Variants in COL19A1 observed in about 807,000 individuals in gnomAD.
COL19A1 encodes collagen alpha-1(XIX) chain.
Under a neutral mutation model 190.2 loss-of-function variants are expected in COL19A1, and 159 were observed. The ratio of observed to expected loss-of-function variants is 0.84; its 90% CI spans 0.73 to 0.95. The LOEUF is 0.95. Among genes scored for constraint, COL19A1 ranks in the 40% least tolerant of loss-of-function variants. The pLI, the probability that COL19A1 is intolerant of heterozygous loss-of-function variation, is 0.00. For synonymous variants in COL19A1, 509 were observed against 458.9 expected (o/e 1.11, Z -1.39); for missense variants, 1,418 against 1,431.9 (o/e 0.99, Z 0.16).
chr6:70,036,765 C>T (rs1474042768), intron 14 of COL19A1, among the ~76,000 whole-genome samples: 1 of 151,822 alleles, frequency 6.6e-6, no homozygotes, highest in South Asian at 2.1e-4. Context: ...CAGTAGTATT[C>T]GAAGACCTAT....
intron 11 of COL19A1, among the ~76,000 whole-genome samples, chr6:70,020,063 G>A (rs983682678): frequency 1.3e-5 from 2 of 151,942 alleles, no homozygotes; most frequent in African/African-American, 2.4e-5. Flanking sequence ...AGTTCTTCTA[G>A]TCCCAGTATA....
chr6:70,088,518 G>A (rs970319418), intron 15 of COL19A1, among the ~76,000 whole-genome samples: 2 of 151,964 alleles, frequency 1.3e-5, no homozygotes, highest in African/African-American at 4.8e-5. Context: ...CATGACTATG[G>A]GTAACAAGTA....
At chr6:70,016,385 C>CACATGAAAAAAAAAAAAAAAAAAAAAAA (rs1778098330) in intron 11 of COL19A1, among the ~76,000 whole-genome samples, 1 of 85,980 alleles carries the variant, frequency 1.2e-5, no homozygotes, top group African/African-American at 6.3e-5. Context: ...AAAAAAAAAA[C>CACATGAAAAAAAAAAAAAAAAAAAAAAA]ACATGAAAAA....
chr6:70,191,851 T>A (rs1443997084), intron 48 of COL19A1, among the ~76,000 whole-genome samples: 2 of 152,164 alleles, frequency 1.3e-5, no homozygotes, highest in African/African-American at 4.8e-5. Context: ...CAAGTCGATC[T>A]TGACTCCATT....
chr6:70,182,099 G>A (rs895997102), intron 44 of COL19A1, among the ~76,000 whole-genome samples: 7 of 152,326 alleles, frequency 4.6e-5, no homozygotes, highest in African/African-American at 1.2e-4. Context: ...GTGGAGAGTA[G>A]GCTGTAGGGA....
intron 2 of COL19A1, among the ~76,000 whole-genome samples, chr6:69,892,350 C>T (rs1210168701): frequency 1.3e-5 from 2 of 152,152 alleles, no homozygotes; most frequent in Non-Finnish European, 2.9e-5. Flanking sequence ...TAAGCGAAAA[C>T]TTAAAAACAA....
chr6:69,934,670 T>A (rs1339856545), intron 7 of COL19A1, among the ~76,000 whole-genome samples: 1 of 151,958 alleles, frequency 6.6e-6, no homozygotes, highest in Non-Finnish European at 1.5e-5. Flanking sequence ...GAGTTAGTTT[T>A]AAAGAATAGA....
rs1766210138 is a variant in COL19A1, at chr6:70,182,056, G to GATTGA, written c.2775+1535_2775+1539dup. On this transcript the variant is annotated intron_variant, in intron 44 of 50. Coordinates refer to ENST00000620364, the MANE Select transcript of COL19A1 (RefSeq NM_001858.6). ...AGCTTTTGTAGCAAATAATGAAAAT[G>GATTGA]ATTGAACATTTTGAGGATCACTCTG... is the stretch of plus-strand genomic sequence containing the variant. Among the ~76,000 whole-genome samples, 5 of 152,348 alleles carry GATTGA rather than the reference G, an allele frequency of 3.3e-5. No homozygotes were observed. In the South Asian group the frequency reaches 1.0e-3, roughly 32 times the overall value.
intron 14 of COL19A1, among the ~76,000 whole-genome samples, chr6:70,062,702 C>G (rs1368277974): frequency 6.6e-6 from 1 of 152,122 alleles, no homozygotes; most frequent in Non-Finnish European, 1.5e-5. Context: ...GATAAAGAGT[C>G]AAGACCCATC....
At chr6:70,087,114 C>T (rs1321289818) in intron 15 of COL19A1, among the ~76,000 whole-genome samples, 2 of 152,028 alleles carry the variant, frequency 1.3e-5, no homozygotes, top group Non-Finnish European at 2.9e-5. Flanking sequence ...TCTCACAAAG[C>T]CTAAAATATT....
intron 15 of COL19A1, among the ~76,000 whole-genome samples, chr6:70,070,666 T>C (rs1397951804): frequency 6.6e-6 from 1 of 152,152 alleles, no homozygotes; most frequent in Non-Finnish European, 1.5e-5. Flanking sequence ...CGTTCTTACA[T>C]ATTTACATTT....
intron 14 of COL19A1, among the ~76,000 whole-genome samples, chr6:70,055,830 T>C (rs1185534482): frequency 6.6e-6 from 1 of 151,592 alleles, no homozygotes; most frequent in Non-Finnish European, 1.5e-5. Context: ...ACTGTAAATA[T>C]TGTCATGTGC....
chr6:69,952,313 T>C (rs1774171636), intron 9 of COL19A1, among the ~76,000 whole-genome samples: 1 of 151,860 alleles, frequency 6.6e-6, no homozygotes, highest in African/African-American at 2.4e-5. Context: ...CTGGAGATTC[T>C]TAATCTACCC....
intron 26 of COL19A1, 37 bp downstream of exon 26, chr6:70,146,740 T>A: frequency 1.3e-6 from 2 of 1,595,628 alleles, no homozygotes; most frequent in Non-Finnish European, 1.7e-6. Context: ...AAGGAATGAA[T>A]AATTAACAAA....
At chr6:69,872,574 A>C (rs1373035951) in intron 1 of COL19A1, among the ~76,000 whole-genome samples, 2 of 152,220 alleles carry the variant, frequency 1.3e-5, no homozygotes, top group African/African-American at 4.8e-5. Context: ...CAAGAGCTAG[A>C]TTAAGAAAGT....
chr6:69,990,403 T>C (rs1389039994), intron 11 of COL19A1, among the ~76,000 whole-genome samples: 1 of 152,130 alleles, frequency 6.6e-6, no homozygotes, highest in African/African-American at 2.4e-5. Context: ...GGTGTTCAAA[T>C]TTCCAATAGT....
chr6:70,162,501 A>G (rs535541710), intron 35 of COL19A1, among the ~76,000 whole-genome samples: 5 of 152,152 alleles, frequency 3.3e-5, no homozygotes, highest in Non-Finnish European at 7.4e-5. Context: ...GCCAAACCCA[A>G]TCTCTCATTC....
At chr6:70,183,147 G>A (rs1426604886) in intron 44 of COL19A1, among the ~76,000 whole-genome samples, 1 of 152,084 alleles carries the variant, frequency 6.6e-6, no homozygotes, top group Non-Finnish European at 1.5e-5. Flanking sequence ...ACAGAGGGAT[G>A]GCCTGGTAAT....
chr6:69,977,987 A>G (rs192025140), intron 11 of COL19A1, among the ~76,000 whole-genome samples: 15 of 152,332 alleles, frequency 9.8e-5, no homozygotes, highest in Admixed American at 7.2e-4. Flanking sequence ...TTTACTAGCC[A>G]GAAACACAGT....
Sources: gnomAD v4.1 joint callset for allele counts (sites outside exome capture counted in the v4.1 genomes callset) on GRCh38, gnomAD v4.1.1 for gene constraint, MANE v1.5 for transcripts, NCBI Gene and HGNC (gene_info 2026-07-23, HGNC 2026-07-21) for gene names.